The following YLPM1 variants were observed in gnomAD, a reference collection of about 807,000 sequenced individuals.
YLPM1 encodes YLP motif-containing protein 1.
In YLPM1, 99 loss-of-function variants were observed where a neutral mutation model predicts 230.0. The observed-to-expected ratio is 0.43, with a 90% CI of 0.37 to 0.51. YLPM1 has a LOEUF of 0.51. Ranked by LOEUF, YLPM1 falls within the 20% of genes least tolerant of loss-of-function variation. YLPM1 has a pLI of 0.00. For missense variants in YLPM1, 2,592 were observed against 2,707.7 expected (o/e 0.96, Z 0.95); for synonymous variants, 984 against 942.5 (o/e 1.04, Z -0.81).
chr14:74,807,796 A>G (rs1002153581), intron 6 of YLPM1, among the ~76,000 whole-genome samples: 4 of 152,226 alleles, frequency 2.6e-5, no homozygotes, highest in Non-Finnish European at 5.9e-5. Flanking sequence ...AACTGAAAGG[A>G]ACAGAAGTGT....
At position 74,816,642 on chromosome 14, in the gene YLPM1, G is replaced by T. The variant is rs2091480258; in HGVS notation, c.5637G>T (p.Val1879=). ...LSLDDYFITE[V]EKEEKDPDSG... ...TGGATGATTACTTCATCACTGAAGT[G>T]GAAAAAGAAGAAAAAGATCCAGATT... is the stretch of plus-strand genomic sequence containing the variant. Residue 1879 remains valine (V), a synonymous_variant, in exon 13 of 21, where the codon GTG becomes GTT. Transcript: ENST00000325680. The T allele has an allele frequency of 1.9e-6, 3 of 1,613,118 alleles. No individual in the cohort carries two copies. The East Asian group carries it at 6.7e-5, about 36-fold the overall frequency.
chr14:74,800,857 T>TAA (rs2091317670), intron 5 of YLPM1, among the ~76,000 whole-genome samples: 1 of 152,234 alleles, frequency 6.6e-6, no homozygotes, highest in East Asian at 1.9e-4. Flanking sequence ...CACTTGCTAA[T>TAA]AATTGAGTGT....
At position 74,809,990 on chromosome 14, in the gene YLPM1, A is replaced by G. The variant is rs752396909; in HGVS notation, c.5020A>G (p.Thr1674Ala). The G allele has an allele frequency of 1.9e-6, 3 of 1,604,448 alleles. No individual in the cohort carries two copies. The highest frequency in any genetic ancestry group is 2.2e-5 in the East Asian group (1 of 44,728). The part of the protein sequence containing the change: ...LRPDPLPERS[T>A]FETEHAGQRD... ...CCCAGATCCACTACCTGAAAGATCA[A>G]CTTTTGAGACAGGTAGGATTCCCAG... Residue 1674 changes from threonine (T) to alanine (A), a missense_variant, in exon 8 of 21, where the codon ACT becomes GCT. Around this residue, in one of 4 missense-constraint regions of YLPM1, gnomAD observed 403 missense variants for 426.7 expected, o/e 0.94. Coordinates refer to ENST00000325680, the MANE Select transcript of YLPM1 (RefSeq NM_019589.3).
intron 11 of YLPM1, among the ~76,000 whole-genome samples, chr14:74,815,672 TC>T (rs1253090297): frequency 6.6e-6 from 1 of 152,222 alleles, no homozygotes; most frequent in Non-Finnish European, 1.5e-5. Context: ...TCTGCTTTAA[TC>T]TTTATTGTTT....
At position 74,812,700 on chromosome 14, in the gene YLPM1, C is replaced by T; in HGVS notation, c.5420C>T (p.Ala1807Val). 1 of 1,613,566 alleles carries T rather than the reference C, an allele frequency of 6.2e-7. No homozygotes were observed. Among genetic ancestry groups the T allele is most frequent in the Non-Finnish European group, 8.5e-7 (1 of 1,179,714 alleles). ...TCACTGAGCCACCAGCCTCCTCCAGCTCCACGAGTCGAGAAGAAGCCTGAA... is the reference window on the plus strand; with the variant it reads ...TCACTGAGCCACCAGCCTCCTCCAGTTCCACGAGTCGAGAAGAAGCCTGAA... ...APSLSHQPPPAPRVEKKPESK... is the reference protein window; with the variant it reads ...APSLSHQPPPVPRVEKKPESK... The change falls in exon 11 of 21, where the codon GCT (alanine) becomes GTT (valine). Residue 1807 changes from alanine (A) to valine (V), a missense_variant. By Grantham distance (64) the Ala-to-Val change is moderately conservative (BLOSUM62 0). Around this residue, in one of 4 missense-constraint regions of YLPM1, gnomAD observed 315 missense variants for 429.3 expected, o/e 0.73. Coordinates refer to ENST00000325680, the MANE Select transcript of YLPM1 (RefSeq NM_019589.3).
chr14:74,802,620 C>G lies in YLPM1; in HGVS notation c.4465C>G (p.Leu1489Val), dbSNP rs371942323. 24 of 1,613,402 alleles carry G rather than the reference C, an allele frequency of 1.5e-5. No homozygotes were observed. In the African/African-American group the frequency reaches 2.8e-4, roughly 19 times the overall value. The change falls in exon 6 of 21, where the codon CTA becomes GTA. Residue 1489 changes from leucine to valine, a missense_variant. Physicochemically the swap from Leu to Val is conservative, Grantham distance 32. Coordinates refer to ENST00000325680, the MANE Select transcript of YLPM1 (RefSeq NM_019589.3). ...FGSEPQMADH[L>V]PPQESRLQNT... ...GTCTGAGCCACAGATGGCTGACCATCTACCACCTCAGGAATCAAGATTGCA... is the reference window on the plus strand; with the variant it reads ...GTCTGAGCCACAGATGGCTGACCATGTACCACCTCAGGAATCAAGATTGCA...
At position 74,809,698 on chromosome 14, in the gene YLPM1, C is replaced by A. The variant is rs1404597817; in HGVS notation, c.4840C>A (p.His1614Asn). The change falls in exon 7 of 21, where the codon CAC becomes AAC. Residue 1614 changes from histidine to asparagine, a missense_variant. By Grantham distance (68) the His-to-Asn change is moderately conservative. This residue lies in a region of YLPM1 where 403 missense variants were observed against 426.7 expected (regional missense o/e 0.94). Coordinates refer to ENST00000325680, the MANE Select transcript of YLPM1 (RefSeq NM_019589.3). ...SAPVLPPPPV[H>N]SSIPPPGPVP... is the part of the protein sequence containing the mutation. ...TCCAGTATTACCACCCCCACCTGTT[C>A]ACTCTTCCATTCCCCCTCCTGGCCC... 5 of 1,613,912 alleles carry A rather than the reference C, an allele frequency of 3.1e-6. No individual in the cohort carries two copies. Among genetic ancestry groups the A allele is most frequent in the Non-Finnish European group, 4.2e-6 (5 of 1,179,906 alleles).
intron 5 of YLPM1, among the ~76,000 whole-genome samples, chr14:74,801,036 G>A (rs955896063): frequency 6.6e-6 from 1 of 152,148 alleles, no homozygotes; most frequent in Non-Finnish European, 1.5e-5. Context: ...TGTTATTTAT[G>A]GAGAATACCA....
intron 4 of YLPM1, among the ~76,000 whole-genome samples, chr14:74,788,333 G>A (rs974320649): frequency 2.6e-5 from 4 of 152,052 alleles, no homozygotes; most frequent in African/African-American, 9.7e-5. Context: ...TGTTAGCCAG[G>A]ATGGTCTCGA....
At chr14:74,833,092 G>A (rs1377395155) in intron 19 of YLPM1, among the ~76,000 whole-genome samples, 1 of 145,458 alleles carries the variant, frequency 6.9e-6, no homozygotes, top group Non-Finnish European at 1.5e-5. Context: ...CAAAGAAAAA[G>A]TAACCAGCCC....
intron 10 of YLPM1, 146 bp downstream of exon 10, chr14:74,811,884 G>A (rs1040843915): frequency 1.9e-6 from 1 of 538,538 alleles, no homozygotes; most frequent in Non-Finnish European, 3.2e-6. Flanking sequence ...AAAAATAGCA[G>A]TGTAATTAAT....
chr14:74,771,297 A>G (rs931501999), intron 1 of YLPM1, among the ~76,000 whole-genome samples: 2 of 152,206 alleles, frequency 1.3e-5, no homozygotes, highest in African/African-American at 4.8e-5. Flanking sequence ...CAGCATAAAA[A>G]TGGTATTTGA....
At chr14:74,780,685 G>A in intron 3 of YLPM1, 101 bp downstream of exon 3, 1 of 1,485,062 alleles carries the variant, frequency 6.7e-7, no homozygotes, top group Non-Finnish European at 9.0e-7. Flanking sequence ...GATACCAACT[G>A]TTGACAATTA....
rs1224032195 is a variant in YLPM1 at position 74,799,388 on chromosome 14, A to G, written c.4091A>G (p.Asp1364Gly). Residue 1364 changes from aspartate (D) to glycine (G), a missense_variant, in exon 5 of 21, where the codon GAT becomes GGT. Asp to Gly is a moderately conservative substitution (Grantham distance 94). Transcript: ENST00000325680. ...AATCGAGAGCATGGGTATGATCGAGATTTCCGTGATAGGGGTGAGTTGAGG... is the reference window on the plus strand; with the variant it reads ...AATCGAGAGCATGGGTATGATCGAGGTTTCCGTGATAGGGGTGAGTTGAGG... ...ERNREHGYDR[D>G]FRDRGELRIR... The G allele has an allele frequency of 4.3e-6, 7 of 1,613,998 alleles. No homozygotes were observed. The highest frequency in any genetic ancestry group is 5.9e-6 in the Non-Finnish European group (7 of 1,179,886).
intron 1 of YLPM1, among the ~76,000 whole-genome samples, chr14:74,772,012 A>C (rs1179285304): frequency 1.3e-5 from 2 of 152,192 alleles, no homozygotes. Context: ...CCTGCTTTAG[A>C]ATATAAGACA....
At chr14:74,819,723 T>C (rs10144860) in intron 16 of YLPM1, among the ~76,000 whole-genome samples, 105,905 of 152,104 alleles carry the variant, frequency 0.7, 37,013 homozygotes, top group East Asian at 0.78. Flanking sequence ...ATTAATTTTG[T>C]AGCCACATGT....
chr14:74,785,451 A>G (rs2091138507), intron 4 of YLPM1, among the ~76,000 whole-genome samples: 1 of 152,192 alleles, frequency 6.6e-6, no homozygotes, highest in South Asian at 2.1e-4. Context: ...TTGCTCACTC[A>G]GCCCTTATAG....
chr14:74,779,942 T>G (rs555454333), intron 2 of YLPM1, among the ~76,000 whole-genome samples: 1 of 152,226 alleles, frequency 6.6e-6, no homozygotes, highest in African/African-American at 2.4e-5. Flanking sequence ...TAGGTGAGAT[T>G]ACAGGTACCT....
rs776350956 is a variant in YLPM1 at position 74,797,872 on chromosome 14, C to T, written c.2575C>T (p.Leu859Phe). Residue 859 changes from leucine (L) to phenylalanine (F), a missense_variant, in exon 5 of 21, where the codon CTT becomes TTT. By Grantham distance (22) the Leu-to-Phe change is conservative. This residue lies in a region of YLPM1 where 1,862 missense variants were observed against 1,819.8 expected (regional missense o/e 1.02). Transcript: ENST00000325680. The part of the protein sequence containing the change: ...QQQPKSQAEP[L>F]SGNKEPLADT... ...GCAACCTAAGTCACAAGCAGAACCT[C>T]TTTCAGGAAACAAAGAACCATTAGC... 2.2e-5 allele frequency: 35 copies of T among 1,614,004 alleles called. No homozygotes were observed. Among genetic ancestry groups the T allele is most frequent in the Non-Finnish European group, 2.6e-5 (31 of 1,179,898 alleles).
Sources: allele counts gnomAD v4.1 joint callset (sites outside exome capture counted in the v4.1 genomes callset), GRCh38; gene constraint gnomAD v4.1.1; regional missense constraint gnomAD v4.1.1; transcripts MANE v1.5; gene names NCBI Gene and HGNC (gene_info 2026-07-23, HGNC 2026-07-21).